NMU: variants seen among roughly 807,000 people sequenced by gnomAD.
NMU encodes neuromedin U, also known as neuromedin-U.
A neutral mutation model predicts 35.4 loss-of-function variants in NMU; 29 were observed. That is an observed-to-expected ratio of 0.82 (90% confidence interval 0.61 to 1.12). The LOEUF is 1.12. Among genes scored for constraint, NMU ranks in the 50% most tolerant of loss-of-function variants. The pLI, the probability that NMU is intolerant of heterozygous loss-of-function variation, is 0.00. For missense variants in NMU, 199 were observed against 206.2 expected, an observed-to-expected ratio of 0.97 and a Z score of 0.21; for synonymous variants, 78 against 81.3, an observed-to-expected ratio of 0.96 and a Z score of 0.22.
Position 55,603,984 on chromosome 4 carries a change from T to C in NMU, c.435+1291A>G, listed in dbSNP as rs1461273294. Among the ~76,000 whole-genome samples the C allele has an allele frequency of 2.8e-5, 4 of 144,990 alleles. 1 individual carries two copies. In the East Asian group the frequency reaches 8.0e-4, roughly 29 times the overall value. On this transcript the variant is annotated intron_variant, in intron 7 of 9. Coordinates refer to ENST00000264218, the MANE Select transcript of NMU (RefSeq NM_006681.4). ...ATATATATACGTATATATGTATATA[T>C]GTGTATATATATACGTATATATGTA...
chr4:55,627,923 A>G (rs1734598445), intron 2 of NMU, among the ~76,000 whole-genome samples: 1 of 152,246 alleles, frequency 6.6e-6, no homozygotes, highest in Non-Finnish European at 1.5e-5. Flanking sequence ...AACTTTCTTA[A>G]CTGGGTAAAG....
intron 3 of NMU, among the ~76,000 whole-genome samples, chr4:55,610,254 G>A (rs1733873560): frequency 6.6e-6 from 1 of 152,112 alleles, no homozygotes; most frequent in South Asian, 2.1e-4. Flanking sequence ...CCTGAGGTCA[G>A]GAATTCGAGA....
chr4:55,626,800 G>A (rs1393411841), intron 2 of NMU, among the ~76,000 whole-genome samples: 2 of 152,168 alleles, frequency 1.3e-5, no homozygotes, highest in African/African-American at 2.4e-5. Flanking sequence ...TATTTTTAAT[G>A]TAATTTAATT....
chr4:55,609,494 G>A (rs908530112), intron 3 of NMU, among the ~76,000 whole-genome samples: 1 of 152,180 alleles, frequency 6.6e-6, no homozygotes, highest in Non-Finnish European at 1.5e-5. Flanking sequence ...CTATGACTGA[G>A]AGTAACAAGG....
chr4:55,633,038 A>AGAC (rs1715696754), intron 1 of NMU, among the ~76,000 whole-genome samples: 1 of 151,332 alleles, frequency 6.6e-6, no homozygotes, highest in African/African-American at 2.4e-5. Context: ...AACGACTAAT[A>AGAC]TCCTGGCTGG....
At chr4:55,625,668 C>G (rs1394016278) in intron 2 of NMU, among the ~76,000 whole-genome samples, 2 of 152,136 alleles carry the variant, frequency 1.3e-5, no homozygotes, top group East Asian at 3.8e-4. Context: ...TTTCCTACCC[C>G]CATTCCACCC....
rs1415730388 is a variant in NMU at position 55,603,958 on chromosome 4, T to G, written c.435+1317A>C. On this transcript the variant is annotated intron_variant, in intron 7 of 9. Coordinates refer to ENST00000264218, the MANE Select transcript of NMU (RefSeq NM_006681.4). ...ATATATATATATATGTATATATGTG[T>G]ATATATATACGTATATATGTATATA... 1.5e-5 allele frequency among the ~76,000 whole-genome samples: 2 copies of G among 134,286 alleles called. 1 individual carries two copies. The highest frequency in any genetic ancestry group is 3.3e-5 in the Non-Finnish European group (2 of 61,356). 88.1% of individuals were successfully genotyped at this position (134,286 alleles called of 152,430 possible). A position where few individuals can be genotyped will look rare whatever the true frequency, so the allele number is the denominator to read the frequency against.
In NMU at chr4:55,609,170, C is replaced by T. The variant is rs746842879; in HGVS notation, c.229G>A (p.Ala77Thr). 16 of 1,611,498 alleles carry T rather than the reference C, an allele frequency of 9.9e-6. No individual in the cohort carries two copies. The highest frequency in any genetic ancestry group is 1.7e-5 in the Admixed American group (1 of 59,992). Residue 77 changes from alanine to threonine, a missense_variant, in exon 4 of 10, where the codon GCA becomes ACA. Ala to Thr is a moderately conservative substitution (Grantham distance 58, BLOSUM62 0). Coordinates refer to ENST00000264218, the MANE Select transcript of NMU (RefSeq NM_006681.4). ...ATCATAAAGCAAAGCTCCTCCAGTG[C>T]GTTGGATGCCTAACAGAAATGAGAA... ...SIDSQPQASN[A>T]LEELCFMIMG... is the part of the protein sequence containing the mutation.
chr4:55,600,519 T>C lies in NMU; in HGVS notation c.489+3A>G. On this transcript the variant is annotated splice_donor_region_variant and intron_variant, in intron 8 of 9. Coordinates refer to ENST00000264218, the MANE Select transcript of NMU (RefSeq NM_006681.4). ...ATTTTTTAAAAATACAGTATGTACC[T>C]ACCCTGAATAAAAAATATCCTCGAC... 1.3e-6 allele frequency: 2 copies of C among 1,596,722 alleles called. No individual in the cohort carries two copies. The highest frequency in any genetic ancestry group is 8.6e-7 in the Non-Finnish European group (1 of 1,164,598).
At chr4:55,606,556 T>G (rs1403574546) in intron 6 of NMU, among the ~76,000 whole-genome samples, 1 of 152,204 alleles carries the variant, frequency 6.6e-6, no homozygotes, top group African/African-American at 2.4e-5. Context: ...TGCCCTTGGA[T>G]CAAATGATTT....
chr4:55,604,017 G>GTATATATGTA lies in NMU; in HGVS notation c.435+1257_435+1258insTACATATATA, dbSNP rs1553909831. 1.9e-4 allele frequency among the ~76,000 whole-genome samples: 5 copies of GTATATATGTA among 25,774 alleles called. 2 individuals carry two copies. The highest frequency in any genetic ancestry group is 2.9e-4 in the Non-Finnish European group (4 of 13,882). 16.9% of individuals were successfully genotyped at this position (25,774 alleles called of 152,430 possible). The stretch of plus-strand genomic sequence containing the variant: ...TATATACGTATATATGTATATATGT[G>GTATATATGTA]TATATATATAATCCTAGAAATTATC... On this transcript the variant is annotated intron_variant, in intron 7 of 9. Transcript: ENST00000264218.
At chr4:55,630,789 C>T (rs938020772) in intron 1 of NMU, among the ~76,000 whole-genome samples, 5 of 152,186 alleles carry the variant, frequency 3.3e-5, no homozygotes, top group African/African-American at 1.2e-4. Context: ...CAATTCCCAT[C>T]AAAACACCAA....
intron 2 of NMU, among the ~76,000 whole-genome samples, chr4:55,627,775 T>G (rs1426243486): frequency 6.6e-6 from 1 of 152,226 alleles, no homozygotes; most frequent in African/African-American, 2.4e-5. Context: ...GCAAGAAGTT[T>G]GTTAATGCAA....
rs1733634584 is a variant in NMU at position 55,605,312 on chromosome 4, T to G, written c.398A>C (p.His133Pro). 6.2e-7 allele frequency: 1 copy of G among 1,613,798 alleles called. No homozygotes were observed. Among genetic ancestry groups the G allele is most frequent in the Non-Finnish European group, 8.5e-7 (1 of 1,179,710 alleles). ...TCTCTTCATTCTTCTCTCATGCAGG[T>G]GAGGAACGAGCTGCAGCAACGGATG... ...VVHPLLQLVP[H>P]LHERRMKRFR... The change falls in exon 7 of 10, where the codon CAC becomes CCC. Residue 133 changes from histidine to proline, a missense_variant. Transcript: ENST00000264218.
intron 9 of NMU, among the ~76,000 whole-genome samples, chr4:55,598,761 G>A (rs890569416): frequency 6.6e-6 from 1 of 152,064 alleles, no homozygotes. Flanking sequence ...ATCTTGGCCC[G>A]TTATGATAGA....
rs1345198039 is a variant in NMU, at chr4:55,624,431, T to C, written c.171+5971A>G. ...CACATGAAAAAATGCTCATCATCAC[T>C]GGCCATCAGAGAAATGCAAATCAAA... On this transcript the variant is annotated intron_variant, in intron 2 of 9. Coordinates refer to ENST00000264218, the MANE Select transcript of NMU (RefSeq NM_006681.4). Among the ~76,000 whole-genome samples, 38 of 42,374 alleles carry C rather than the reference T, an allele frequency of 9.0e-4. 1 individual carries two copies. The highest frequency in any genetic ancestry group is 5.1e-3 in the Admixed American group (16 of 3,164). 27.8% of individuals were successfully genotyped at this position (42,374 alleles called of 152,430 possible).
chr4:55,636,310 G>C (rs1219170470), upstream of NMU: 1 of 1,334,068 alleles, frequency 7.5e-7, no homozygotes, highest in Admixed American at 3.9e-5. This position sits in a 1 kb window ranked among gnomAD's most constrained non-coding sequence, Gnocchi z 4.0. Flanking sequence ...AGCGCCCGGC[G>C]AGCCGCCAAC....
chr4:55,636,073 C>A lies in NMU; in HGVS notation c.112+8G>T, dbSNP rs1426493276. The A allele has an allele frequency of 6.5e-7, 1 of 1,531,194 alleles. No individual in the cohort carries two copies. The highest frequency in any genetic ancestry group is 8.7e-7 in the Non-Finnish European group (1 of 1,145,350). The allele number at this position is 1,531,194 out of a possible 1,614,324, so 94.9% of individuals were successfully genotyped here. On this transcript the variant is annotated splice_region_variant and intron_variant, in intron 1 of 9. Coordinates refer to ENST00000264218, the MANE Select transcript of NMU (RefSeq NM_006681.4). The surrounding 1 kb of genome is among the most constrained non-coding windows in gnomAD (Gnocchi z 4.0). ...GCGTGGAAGCGGCCGGGTGCGGGGC[C>A]GTCTTACCTCGGCAGGCGCCCGCGC... is the stretch of plus-strand genomic sequence containing the variant.
rs1733825102 is a variant in NMU, at chr4:55,609,132, T to C, written c.267A>G (p.Leu89=). 6.2e-7 allele frequency: 1 copy of C among 1,613,226 alleles called. No individual in the cohort carries two copies. Among genetic ancestry groups the C allele is most frequent in the African/African-American group, 1.3e-5 (1 of 74,924 alleles). Residue 89 remains leucine (L), a synonymous_variant, in exon 4 of 10, where the codon CTA becomes CTG. Transcript: ENST00000264218. ...EELCFMIMGM[L]PKPQEQDEKD... is the part of the protein sequence containing the mutation. ...ATTTCAAGCTTACCTGAGGCTTTGG[T>C]AGCATTCCCATAATCATAAAGCAAA...
Sources: gnomAD v4.1 joint callset for allele counts (sites outside exome capture counted in the v4.1 genomes callset) on GRCh38, gnomAD v4.1.1 for gene constraint, Gnocchi (gnomAD v3.1) non-coding constraint, MANE v1.5 for transcripts, NCBI Gene and HGNC (gene_info 2026-07-23, HGNC 2026-07-21) for gene names.